TTBK2: variants seen among roughly 807,000 people sequenced by gnomAD.
The protein encoded by TTBK2 is tau tubulin kinase 2.
A neutral mutation model predicts 110.8 loss-of-function variants in TTBK2; 28 were observed. The ratio of observed to expected loss-of-function variants is 0.25; its 90% CI spans 0.19 to 0.35. The LOEUF is 0.35. Ranked by LOEUF, TTBK2 falls within the 10% of genes least tolerant of loss-of-function variation. The probability of loss-of-function intolerance (pLI) is 1.00; values close to 1 mark genes in which losing one functional copy is unlikely to be tolerated. For missense variants in TTBK2, 1,369 were observed against 1,500.3 expected (o/e 0.91, Z 1.45); for synonymous variants, 532 against 527.3 (o/e 1.01, Z -0.12).
At chr15:42,913,908 T>C (rs1400904771) in intron 1 of TTBK2, among the ~76,000 whole-genome samples, 1 of 151,826 alleles carries the variant, frequency 6.6e-6, no homozygotes, top group East Asian at 1.9e-4. Flanking sequence ...ATCTTCCCAC[T>C]AACACAAAGA....
intron 13 of TTBK2, among the ~76,000 whole-genome samples, chr15:42,764,427 T>C (rs1030892084): frequency 3.3e-5 from 5 of 152,234 alleles, no homozygotes; most frequent in African/African-American, 4.8e-5. Context: ...TCCAAAGGTC[T>C]TAGCAAACGG....
intron 9 of TTBK2, among the ~76,000 whole-genome samples, chr15:42,797,908 G>A (rs933454952): frequency 6.6e-6 from 1 of 151,656 alleles, no homozygotes; most frequent in African/African-American, 2.4e-5. Flanking sequence ...TTTTGAGACG[G>A]AGTCTCACTT....
intron 3 of TTBK2, among the ~76,000 whole-genome samples, chr15:42,859,705 C>CA (rs1184149194): frequency 1.9e-4 from 29 of 151,012 alleles, no homozygotes; most frequent in South Asian, 6.3e-4. Flanking sequence ...TACTAGAAGG[C>CA]AAAAAAAACA....
chr15:42,827,886 G>A (rs948988620), intron 6 of TTBK2, 42 bp downstream of exon 6: 26 of 1,462,762 alleles, frequency 1.8e-5, no homozygotes, highest in Non-Finnish European at 2.3e-5. Flanking sequence ...ATAAATACCA[G>A]GGTAATTATC....
intron 3 of TTBK2, among the ~76,000 whole-genome samples, chr15:42,851,186 T>A (rs959272941): frequency 6.6e-6 from 1 of 151,006 alleles, no homozygotes; most frequent in African/African-American, 2.4e-5. Flanking sequence ...AGGCGGAGCT[T>A]GCAGTGAGCA....
intron 9 of TTBK2, among the ~76,000 whole-genome samples, chr15:42,798,437 CTACATT>C (rs1441799468): frequency 1.3e-5 from 2 of 152,260 alleles, no homozygotes; most frequent in South Asian, 4.1e-4. Flanking sequence ...ACAAATTCAC[CTACATT>C]TAGAGTCTAA....
intron 7 of TTBK2, among the ~76,000 whole-genome samples, chr15:42,815,931 AATATATATATATATATTTAAAAAAAAAAT>A (rs1891943920): frequency 2.0e-5 from 1 of 50,542 alleles, no homozygotes; most frequent in East Asian, 7.1e-4. Context: ...TATATTTAAA[AATATATATATATATATTTAAAAAAAAAAT>A]ATATATATAT....
At chr15:42,848,232 T>C (rs1324078808) in intron 3 of TTBK2, among the ~76,000 whole-genome samples, 1 of 152,164 alleles carries the variant, frequency 6.6e-6, no homozygotes, top group Non-Finnish European at 1.5e-5. Context: ...CTTCTTCTTT[T>C]TCAACATTGT....
chr15:42,827,893 T>C, intron 6 of TTBK2, 35 bp downstream of exon 6: 1 of 1,530,282 alleles, frequency 6.5e-7, no homozygotes, highest in Non-Finnish European at 9.0e-7. Context: ...CCAGGGTAAT[T>C]ATCAAATATT....
chr15:42,914,838 A>G (rs2030989118), intron 1 of TTBK2, among the ~76,000 whole-genome samples: 1 of 152,208 alleles, frequency 6.6e-6, no homozygotes, highest in African/African-American at 2.4e-5. Flanking sequence ...TTCTTCCCTG[A>G]ACCCACCTCT....
intron 1 of TTBK2, among the ~76,000 whole-genome samples, chr15:42,884,779 G>A (rs1317977361): frequency 6.6e-6 from 1 of 152,172 alleles, no homozygotes; most frequent in East Asian, 1.9e-4. Context: ...CTGAGCCCAA[G>A]CTAAGCCATC....
chr15:42,826,061 G>C (rs1483915613), intron 6 of TTBK2, among the ~76,000 whole-genome samples: 1 of 151,840 alleles, frequency 6.6e-6, no homozygotes, highest in Non-Finnish European at 1.5e-5. Flanking sequence ...TCAAAATACA[G>C]ATTTCTGCAG....
chr15:42,789,942 GGTAAATACTGCTGCAGTGAACAC>G (rs1365887120), intron 10 of TTBK2, among the ~76,000 whole-genome samples: 1 of 151,182 alleles, frequency 6.6e-6, no homozygotes, highest in African/African-American at 2.4e-5. Flanking sequence ...TCTCGGCTAT[GGTAAATACTGCTGCAGTGAACAC>G]GAGAGTGCAG....
intron 5 of TTBK2, among the ~76,000 whole-genome samples, chr15:42,828,800 T>C (rs907287478): frequency 2.0e-5 from 3 of 151,764 alleles, no homozygotes; most frequent in Non-Finnish European, 4.4e-5. Flanking sequence ...ATACAATCTA[T>C]AGAAACATTT....
At chr15:42,906,047 G>T (rs2030374160) in intron 1 of TTBK2, among the ~76,000 whole-genome samples, 1 of 152,146 alleles carries the variant, frequency 6.6e-6, no homozygotes, top group Non-Finnish European at 1.5e-5. Flanking sequence ...AATTAGCTGG[G>T]CGTGGTAGTG....
chr15:42,865,678 C>T (rs577207604), intron 3 of TTBK2, among the ~76,000 whole-genome samples: 1 of 151,628 alleles, frequency 6.6e-6, no homozygotes, highest in Non-Finnish European at 1.5e-5. Context: ...TAAAACTTAG[C>T]TAGGCATGGC....
At chr15:42,817,149 T>C (rs1892073256) in intron 6 of TTBK2, 52 bp from the exon 7 acceptor site, 2 of 1,489,740 alleles carry the variant, frequency 1.3e-6, no homozygotes, top group Non-Finnish European at 1.8e-6. Flanking sequence ...CAGCAATACA[T>C]TCAGCACACT....
At chr15:42,851,362 T>C (rs1893704880) in intron 3 of TTBK2, among the ~76,000 whole-genome samples, 1 of 151,888 alleles carries the variant, frequency 6.6e-6, no homozygotes, top group Non-Finnish European at 1.5e-5. Flanking sequence ...CAGGGGTCGG[T>C]TCAGTGTTTT....
chr15:42,874,325 T>C (rs1051373828), intron 2 of TTBK2, among the ~76,000 whole-genome samples: 1 of 152,070 alleles, frequency 6.6e-6, no homozygotes, highest in Non-Finnish European at 1.5e-5. Flanking sequence ...TTTTATTTTT[T>C]TATTTTTTGA....
Sources: gnomAD v4.1 joint callset for allele counts (sites outside exome capture counted in the v4.1 genomes callset) on GRCh38, gnomAD v4.1.1 for gene constraint, MANE v1.5 for transcripts, NCBI Gene and HGNC (gene_info 2026-07-23, HGNC 2026-07-21) for gene names.